ADAR: variants seen among roughly 807,000 people sequenced by gnomAD.
ADAR encodes adenosine deaminase RNA specific.
In ADAR, 41 loss-of-function variants were observed where a neutral mutation model predicts 113.2. The observed-to-expected ratio is 0.36, with a 90% CI of 0.28 to 0.47. The LOEUF is 0.47. Among genes scored for constraint, ADAR ranks in the 20% least tolerant of loss-of-function variants. ADAR has a pLI of 1.00. For missense variants in ADAR, 1,242 were observed against 1,540.9 expected, an observed-to-expected ratio of 0.81 and a Z score of 3.25; for synonymous variants, 605 against 572.6, an observed-to-expected ratio of 1.06 and a Z score of -0.81.
chr1:154,608,415 G>GC (rs923814413), upstream of ADAR, among the ~76,000 whole-genome samples: 3 of 146,726 alleles, frequency 2.0e-5, no homozygotes, highest in African/African-American at 7.6e-5. Flanking sequence ...TGCAACCTCT[G>GC]CCCCCCGGGT....
At chr1:154,607,162 T>C (rs2101664899) in intron 1 of ADAR, among the ~76,000 whole-genome samples, 1 of 152,196 alleles carries the variant, frequency 6.6e-6, no homozygotes, top group South Asian at 2.1e-4. Context: ...TCCATCCCTA[T>C]AACTGTGGTT....
Position 154,598,734 on chromosome 1 carries a change from T to G in ADAR, c.1602-149A>C, listed in dbSNP as rs1697671984. On this transcript the variant is annotated intron_variant, in intron 2 of 14. Coordinates refer to ENST00000368474, the MANE Select transcript of ADAR (RefSeq NM_001111.5). Reference sequence around the variant, plus strand: ...GGTAGGCCAAGGAACTCCTTCCTACTCCTTAAGGCTCAGCCTGTCCTTTCT... The same window carrying G: ...GGTAGGCCAAGGAACTCCTTCCTACGCCTTAAGGCTCAGCCTGTCCTTTCT... 1.6e-5 allele frequency: 12 copies of G among 764,362 alleles called. No homozygotes were observed. In the South Asian group the frequency reaches 1.8e-4, roughly 12 times the overall value. 47.3% of individuals were successfully genotyped at this position (764,362 alleles called of 1,614,324 possible). A position where few individuals can be genotyped will look rare whatever the true frequency, so the allele number is the denominator to read the frequency against.
rs779568957 is a variant in ADAR, at chr1:154,597,279, T to A, written c.1935-12A>T. Reference sequence around the variant, plus strand: ...CACAGTATTGGAACCTGACAGGAGATGAAGCACGTAGAAGGATTAAAATGG... The same window carrying A: ...CACAGTATTGGAACCTGACAGGAGAAGAAGCACGTAGAAGGATTAAAATGG... On this transcript the variant is annotated splice_polypyrimidine_tract_variant and intron_variant, in intron 4 of 14. Transcript: ENST00000368474. 6.2e-7 allele frequency: 1 copy of A among 1,614,130 alleles called. No homozygotes were observed. The highest frequency in any genetic ancestry group is 8.5e-7 in the Non-Finnish European group (1 of 1,180,028).
At chr1:154,587,917 GGATCTCCCA>G (rs1473565784) in intron 11 of ADAR, among the ~76,000 whole-genome samples, 199 bp downstream of exon 11, 2 of 152,108 alleles carry the variant, frequency 1.3e-5, no homozygotes, top group Admixed American at 6.6e-5. Context: ...TTTGACTTGG[GGATCTCCCA>G]GATCTCCCAA....
In ADAR at chr1:154,589,926, G is replaced by A. The variant is rs534131989; in HGVS notation, c.2499C>T (p.Leu833=). The A allele has an allele frequency of 1.9e-6, 3 of 1,614,008 alleles. No individual in the cohort carries two copies. The highest frequency in any genetic ancestry group is 1.7e-5 in the Admixed American group (1 of 60,018). The change falls in exon 8 of 15, where the codon CTC becomes CTT. Residue 833 remains leucine, a splice_region_variant and synonymous_variant. Coordinates refer to ENST00000368474, the MANE Select transcript of ADAR (RefSeq NM_001111.5). ...CATGGAAGGTGCTGCCAGTGAGAGGGAGCTGTGGGGAAAAGAGGCTGTGTC... is the reference window on the plus strand; with the variant it reads ...CATGGAAGGTGCTGCCAGTGAGAGGAAGCTGTGGGGAAAAGAGGCTGTGTC... ...SRSPEAQPKT[L]PLTGSTFHDQ...
chr1:154,619,998 T>C (rs775085796), intron 1 of ADAR, among the ~76,000 whole-genome samples: 1 of 152,012 alleles, frequency 6.6e-6, no homozygotes, highest in African/African-American at 2.4e-5. Context: ...GGCTGGAGGA[T>C]GGGGGAAAAG....
intron 1 of ADAR, among the ~76,000 whole-genome samples, chr1:154,621,485 G>A (rs1698790976): frequency 6.6e-6 from 1 of 151,956 alleles, no homozygotes; most frequent in Non-Finnish European, 1.5e-5. Flanking sequence ...TTTACCATGA[G>A]GATAAACTCA....
chr1:154,600,471 ATTTC>A (rs1312595039), intron 2 of ADAR: 5 of 125,810 alleles, frequency 4.0e-5, no homozygotes, highest in African/African-American at 6.8e-5. Context: ...AAGACCAATC[ATTTC>A]TTTCTTTTTT....
chr1:154,627,914 A>ACCCCCCCCCCCCCCCCCCC, exon 1 of ADAR: 6 of 463,312 alleles, frequency 1.3e-5, no homozygotes, highest in Non-Finnish European at 2.1e-5. Flanking sequence ...TGCGGCCGCG[A>ACCCCCCCCCCCCCCCCCCC]CCCTCCCCCC....
chr1:154,609,425 T>C (rs1698405375), upstream of ADAR, among the ~76,000 whole-genome samples: 1 of 152,236 alleles, frequency 6.6e-6, no homozygotes, highest in Non-Finnish European at 1.5e-5. Flanking sequence ...AGTCCCTTTA[T>C]AGCAGTATCT....
rs529435964 is a variant in ADAR at position 154,622,504 on chromosome 1, A to G, written c.-871+5351T>C. On this transcript the variant is annotated intron_variant, in intron 1 of 14. Coordinates refer to the ADAR transcript ENST00000368471. Reference sequence around the variant, plus strand: ...CCTGTCACCTTGTAAGTGCTTAAATAAATGTTTTAAAAATAAATACTCCAA... The same window carrying G: ...CCTGTCACCTTGTAAGTGCTTAAATGAATGTTTTAAAAATAAATACTCCAA... Among the ~76,000 whole-genome samples the G allele has an allele frequency of 4.6e-5, 7 of 152,368 alleles. No individual in the cohort carries two copies. The South Asian group carries it at 1.4e-3, about 32-fold the overall frequency.
upstream of ADAR, among the ~76,000 whole-genome samples, chr1:154,609,733 CATTTAACAAA>C (rs1698419707): frequency 6.6e-6 from 1 of 152,204 alleles, no homozygotes; most frequent in African/African-American, 2.4e-5. Context: ...CCCATTCGAT[CATTTAACAAA>C]ACTTTACTAA....
At chr1:154,608,207 G>T, upstream of ADAR, 2 of 609,210 alleles carry the variant, frequency 3.3e-6, no homozygotes, top group Non-Finnish European at 5.3e-6. Context: ...TCGTTTCCTC[G>T]GAAAGCCTTC....
At chr1:154,585,502 A>G (rs1696699879) in intron 13 of ADAR, 158 bp from the exon 14 acceptor site, 1 of 1,031,372 alleles carries the variant, frequency 9.7e-7, no homozygotes, top group African/African-American at 1.6e-5. Flanking sequence ...CCCTCTAGAC[A>G]TACTAACTCC....
At chr1:154,622,689 A>AC (rs1425397816) in intron 1 of ADAR, among the ~76,000 whole-genome samples, 1 of 152,154 alleles carries the variant, frequency 6.6e-6, no homozygotes, top group Admixed American at 6.5e-5. Flanking sequence ...GAGGTGTGCT[A>AC]CCTTCCTGGG....
At chr1:154,620,137 G>A (rs768432694) in intron 1 of ADAR, among the ~76,000 whole-genome samples, 19 of 152,314 alleles carry the variant, frequency 1.2e-4, no homozygotes, top group South Asian at 4.1e-4. Context: ...GGCCAGGCGC[G>A]GTGGCTCATG....
At chr1:154,618,722 A>G (rs918421275) in intron 1 of ADAR, among the ~76,000 whole-genome samples, 1 of 141,524 alleles carries the variant, frequency 7.1e-6, no homozygotes, top group Non-Finnish European at 1.6e-5. Context: ...GGCTATTTGG[A>G]AAAAAAAAAA....
At chr1:154,607,828 C>G (rs1480263211) in intron 1 of ADAR, among the ~76,000 whole-genome samples, 164 bp downstream of exon 1, 1 of 151,186 alleles carries the variant, frequency 6.6e-6, no homozygotes, top group East Asian at 1.9e-4. Flanking sequence ...CACACACTCA[C>G]AAGACGCACA....
intron 1 of ADAR, among the ~76,000 whole-genome samples, chr1:154,626,524 C>T (rs1698943253): frequency 6.6e-6 from 1 of 152,174 alleles, no homozygotes; most frequent in Non-Finnish European, 1.5e-5. Flanking sequence ...GTCTGCATAT[C>T]ATATCTGGCA....
Sources: allele counts gnomAD v4.1 joint callset (sites outside exome capture counted in the v4.1 genomes callset), GRCh38; gene constraint gnomAD v4.1.1; transcripts MANE v1.5; gene names NCBI Gene and HGNC (gene_info 2026-07-23, HGNC 2026-07-21).